Variants in IRAK2 observed in about 807,000 individuals in gnomAD.
IRAK2 encodes the protein interleukin 1 receptor associated kinase 2.
In IRAK2, 57 loss-of-function variants were observed where a neutral mutation model predicts 72.0. The observed-to-expected ratio is 0.79, with a 90% CI of 0.64 to 0.99. The LOEUF (loss-of-function observed/expected upper bound fraction) is 0.99, where lower values mean the gene tolerates loss of function less well. IRAK2 is among the 50% of genes least tolerant of loss of function. IRAK2 has a pLI of 0.00. For synonymous variants in IRAK2, 293 were observed against 312.7 expected, an observed-to-expected ratio of 0.94 and a Z score of 0.67; for missense variants, 790 against 794.4, an observed-to-expected ratio of 0.99 and a Z score of 0.07.
intron 2 of IRAK2, among the ~76,000 whole-genome samples, chr3:10,191,862 C>T (rs1295266494): frequency 6.6e-6 from 1 of 152,018 alleles, no homozygotes; most frequent in Non-Finnish European, 1.5e-5. Context: ...TAAAGGATTC[C>T]CCATTCCCTA....
At chr3:10,230,628 G>T (rs1490185859) in intron 10 of IRAK2, among the ~76,000 whole-genome samples, 1 of 152,102 alleles carries the variant, frequency 6.6e-6, no homozygotes, top group Non-Finnish European at 1.5e-5. Context: ...AGTATGTAGT[G>T]GTGCAATCAT....
intron 1 of IRAK2, among the ~76,000 whole-genome samples, chr3:10,175,284 A>G (rs1696856402): frequency 6.6e-6 from 1 of 151,662 alleles, no homozygotes; most frequent in African/African-American, 2.4e-5. Flanking sequence ...GTGTTACCAC[A>G]CCTGGCTAAT....
intron 1 of IRAK2, among the ~76,000 whole-genome samples, chr3:10,166,359 G>C (rs1477922197): frequency 6.6e-6 from 1 of 152,178 alleles, no homozygotes; most frequent in Non-Finnish European, 1.5e-5. Context: ...CATATGTTTT[G>C]TTTGTTGGTG....
At chr3:10,175,213 T>C (rs1243111474) in intron 1 of IRAK2, among the ~76,000 whole-genome samples, 5 of 152,154 alleles carry the variant, frequency 3.3e-5, no homozygotes, top group Non-Finnish European at 7.4e-5. Context: ...AACCTCCACC[T>C]CCTAGGTTCA....
In IRAK2 at chr3:10,238,571, C is replaced by A. The variant is rs542068625; in HGVS notation, c.1474-177C>A. 3.9e-5 allele frequency among the ~76,000 whole-genome samples: 6 copies of A among 152,202 alleles called. No individual in the cohort carries two copies. The South Asian group carries it at 1.2e-3, about 31-fold the overall frequency. ...TCACGCCGTCTCATCTATGACAGGG[C>A]GGTTGGTGGGCAAGCACAGGTCTTT... is the stretch of plus-strand genomic sequence containing the variant. On this transcript the variant is annotated intron_variant, in intron 11 of 12. Transcript: ENST00000256458.
chr3:10,211,515 G>A lies in IRAK2; in HGVS notation c.529-1692G>A, dbSNP rs1426848506. On this transcript the variant is annotated intron_variant, in intron 4 of 12. Coordinates refer to ENST00000256458, the MANE Select transcript of IRAK2 (RefSeq NM_001570.4). ...CACCTGTAGTCCCAGCTACTTGGGG[G>A]CGCTGAGATGAAAGGATCCCTTGAG... is the stretch of plus-strand genomic sequence containing the variant. Among the ~76,000 whole-genome samples the A allele has an allele frequency of 3.9e-5, 6 of 152,252 alleles. No individual in the cohort carries two copies. The East Asian group carries it at 1.2e-3, about 30-fold the overall frequency.
At chr3:10,210,059 A>G (rs770216692) in intron 4 of IRAK2, among the ~76,000 whole-genome samples, 13 of 152,036 alleles carry the variant, frequency 8.6e-5, no homozygotes, top group Non-Finnish European at 1.8e-4. Context: ...AGCTGGGATT[A>G]CAGGTGCATG....
chr3:10,191,096 C>A (rs538928750), intron 2 of IRAK2, among the ~76,000 whole-genome samples: 44 of 152,138 alleles, frequency 2.9e-4, no homozygotes, highest in African/African-American at 1.0e-3. Flanking sequence ...AGATCGAGAC[C>A]ATCCTGGCTA....
At chr3:10,172,561 C>T (rs1426553256) in intron 1 of IRAK2, among the ~76,000 whole-genome samples, 3 of 126,588 alleles carry the variant, frequency 2.4e-5, no homozygotes, top group South Asian at 2.4e-4. Context: ...AAAAAAAGGC[C>T]GGGCGCGGTG....
At chr3:10,240,542 C>CA (rs1698038040) in intron 12 of IRAK2, among the ~76,000 whole-genome samples, 1 of 16,902 alleles carries the variant, frequency 5.9e-5, no homozygotes, top group African/African-American at 2.9e-4. Context: ...AGGAAGCCCC[C>CA]CCCCCCCCCC....
At chr3:10,165,447 G>A (rs868022878) in intron 1 of IRAK2, among the ~76,000 whole-genome samples, 2 of 152,134 alleles carry the variant, frequency 1.3e-5, no homozygotes, top group Non-Finnish European at 2.9e-5. Flanking sequence ...GTGTGTGTGT[G>A]TGTGTGGTGT....
chr3:10,209,773 C>G (rs1271672801), intron 4 of IRAK2, 81 bp downstream of exon 4: 3 of 773,292 alleles, frequency 3.9e-6, no homozygotes, highest in Admixed American at 3.0e-5. Flanking sequence ...TTTCTCTACC[C>G]CTTGAGACCA....
chr3:10,227,142 C>T (rs748821827), intron 10 of IRAK2, among the ~76,000 whole-genome samples: 27 of 152,158 alleles, frequency 1.8e-4, no homozygotes, highest in Non-Finnish European at 3.5e-4. Flanking sequence ...TATACACAGT[C>T]ATTTAAAAAA....
chr3:10,186,808 T>C (rs1697081846), intron 2 of IRAK2, among the ~76,000 whole-genome samples: 2 of 134,720 alleles, frequency 1.5e-5, no homozygotes, highest in African/African-American at 3.3e-5. Context: ...TTTTTTTAAA[T>C]AGAGACAGAA....
chr3:10,214,582 C>T (rs1194168103), intron 6 of IRAK2, among the ~76,000 whole-genome samples: 11 of 150,422 alleles, frequency 7.3e-5, no homozygotes, highest in African/African-American at 2.5e-4. Context: ...ACACTTGTGC[C>T]TTATATTGTA....
rs148393725 is a variant in IRAK2, at chr3:10,216,336, T to C, written c.789-598T>C. Among the ~76,000 whole-genome samples, 4 of 152,244 alleles carry C rather than the reference T, an allele frequency of 2.6e-5. 1 individual carries two copies. Among genetic ancestry groups the C allele is most frequent in the East Asian group, 3.9e-4 (2 of 5,186 alleles). On this transcript the variant is annotated intron_variant, in intron 6 of 12. Coordinates refer to ENST00000256458, the MANE Select transcript of IRAK2 (RefSeq NM_001570.4). ...GTTGACCTGAGCATCAGGATGCAAA[T>C]TGACATTCAGGTCTGGAGCTTAGGA...
intron 2 of IRAK2, among the ~76,000 whole-genome samples, chr3:10,198,407 G>T (rs1021903944): frequency 6.6e-6 from 1 of 152,190 alleles, no homozygotes; most frequent in Non-Finnish European, 1.5e-5. Context: ...TGGGGCGTCT[G>T]CCCCTGGGGG....
At chr3:10,184,052 C>T (rs1258168986) in intron 2 of IRAK2, among the ~76,000 whole-genome samples, 2 of 152,192 alleles carry the variant, frequency 1.3e-5, no homozygotes, top group Non-Finnish European at 2.9e-5. Context: ...GGACACAAGA[C>T]TTCTCACATC....
chr3:10,214,136 C>T (rs1697565000), intron 6 of IRAK2, among the ~76,000 whole-genome samples: 2 of 152,012 alleles, frequency 1.3e-5, no homozygotes, highest in South Asian at 4.2e-4. Context: ...GACATGTTGG[C>T]CAGGATGGTC....
Sources: gnomAD v4.1 joint callset for allele counts (sites outside exome capture counted in the v4.1 genomes callset) on GRCh38, gnomAD v4.1.1 for gene constraint, MANE v1.5 for transcripts, NCBI Gene and HGNC (gene_info 2026-07-23, HGNC 2026-07-21) for gene names.